Variants in RRBP1 observed in about 807,000 individuals in gnomAD.
The protein encoded by RRBP1 is ribosome-binding protein 1.
A neutral mutation model predicts 165.2 loss-of-function variants in RRBP1; 94 were observed. The observed-to-expected ratio is 0.57, with a 90% CI of 0.48 to 0.68. The LOEUF (loss-of-function observed/expected upper bound fraction) is 0.68. Ranked by LOEUF, RRBP1 falls within the 30% of genes least tolerant of loss-of-function variation. The pLI is 0.00. For synonymous variants in RRBP1, 680 were observed against 714.5 expected (o/e 0.95, Z 0.77); for missense variants, 1,676 against 1,763.0 (o/e 0.95, Z 0.88).
intron 3 of RRBP1, among the ~76,000 whole-genome samples, chr20:17,651,855 C>G (rs2036565333): frequency 6.6e-6 from 1 of 152,222 alleles, no homozygotes; most frequent in Admixed American, 6.5e-5. Context: ...CGCTGCAGGG[C>G]CCCCATCTGC....
chr20:17,616,333 G>T (rs889441359), intron 21 of RRBP1, among the ~76,000 whole-genome samples: 1 of 152,140 alleles, frequency 6.6e-6, no homozygotes, highest in Non-Finnish European at 1.5e-5. Context: ...TCTTGGTGAG[G>T]ACTCTTGGTG....
intron 3 of RRBP1, among the ~76,000 whole-genome samples, chr20:17,651,793 A>T (rs1346438815): frequency 1.3e-5 from 2 of 152,394 alleles, no homozygotes; most frequent in East Asian, 3.9e-4. Context: ...GGCAAGGATT[A>T]GGAAGGCAGG....
intron 3 of RRBP1, among the ~76,000 whole-genome samples, chr20:17,644,773 G>A (rs891092674): frequency 1.3e-5 from 2 of 152,100 alleles, no homozygotes; most frequent in African/African-American, 4.8e-5. Flanking sequence ...AGTACACGTG[G>A]AATTTAGAAG....
In RRBP1 at chr20:17,636,737, G is replaced by T; in HGVS notation, c.2185-8C>A. On this transcript the variant is annotated splice_polypyrimidine_tract_variant and splice_region_variant and intron_variant, in intron 5 of 24. Transcript: ENST00000377813. ...CTTTTCTGCTGCCATCTCCTGGGGG[G>T]AAAGTAGCAGAGAGAGGGGCTGGTA... is the stretch of plus-strand genomic sequence containing the variant. The T allele has an allele frequency of 1.2e-6, 2 of 1,612,394 alleles. No homozygotes were observed. Among genetic ancestry groups the T allele is most frequent in the Non-Finnish European group, 1.7e-6 (2 of 1,180,012 alleles).
At chr20:17,625,285 C>A (rs1300983726) in intron 12 of RRBP1, among the ~76,000 whole-genome samples, 1 of 152,280 alleles carries the variant, frequency 6.6e-6, no homozygotes, top group Non-Finnish European at 1.5e-5. Flanking sequence ...CACGCTTGAG[C>A]GAGTGGCGCA....
chr20:17,633,702 T>A, intron 7 of RRBP1, 89 bp from the exon 8 acceptor site: 1 of 1,375,326 alleles, frequency 7.3e-7, no homozygotes, highest in Non-Finnish European at 1.0e-6. Context: ...CCAGCTCTCT[T>A]GTAAGTAAGC....
At chr20:17,674,131 C>G (rs1281390526) in intron 2 of RRBP1, among the ~76,000 whole-genome samples, 1 of 152,178 alleles carries the variant, frequency 6.6e-6, no homozygotes, top group African/African-American at 2.4e-5. Flanking sequence ...AACACACCAC[C>G]TGGGTTTGAA....
At chr20:17,649,823 G>A (rs959262795) in intron 3 of RRBP1, among the ~76,000 whole-genome samples, 6 of 152,174 alleles carry the variant, frequency 3.9e-5, no homozygotes, top group East Asian at 1.9e-4. Flanking sequence ...GACTGCACAC[G>A]ACACAGAGCT....
chr20:17,619,471 C>G lies in RRBP1; in HGVS notation c.3675+162G>C. 3 of 522,982 alleles carry G rather than the reference C, an allele frequency of 5.7e-6. No individual in the cohort carries two copies. In the South Asian group the frequency reaches 8.7e-5, roughly 15 times the overall value. The allele number at this position is 522,982 out of a possible 1,614,324, so 32.4% of individuals were successfully genotyped here. ...GCCCTGAGAGACACCTCAGGCCTGACAGCCCAACGAGGGGCCTGTGAGGCT... is the reference window on the plus strand; with the variant it reads ...GCCCTGAGAGACACCTCAGGCCTGAGAGCCCAACGAGGGGCCTGTGAGGCT... On this transcript the variant is annotated intron_variant, in intron 19 of 24. Coordinates refer to ENST00000377813, the MANE Select transcript of RRBP1 (RefSeq NM_001365613.2).
At chr20:17,618,519 G>C (rs112473259) in intron 20 of RRBP1, 77 bp downstream of exon 20, 12 of 1,119,824 alleles carry the variant, frequency 1.1e-5, no homozygotes, top group Non-Finnish European at 1.5e-5. Flanking sequence ...GGACACAAAC[G>C]CATGACTGGC....
chr20:17,627,704 G>A (rs1369754461), intron 9 of RRBP1, 22 bp from the exon 10 acceptor site: 12 of 1,511,388 alleles, frequency 7.9e-6, no homozygotes, highest in African/African-American at 4.9e-5. Context: ...GAAGGGAAAC[G>A]AGAAGTTAAG....
intron 3 of RRBP1, among the ~76,000 whole-genome samples, chr20:17,647,317 G>A (rs1163942351): frequency 1.3e-5 from 2 of 152,264 alleles, no homozygotes; most frequent in East Asian, 1.9e-4. Flanking sequence ...CAGCAATGCC[G>A]AGAAAGGCTT....
At position 17,615,444 on chromosome 20, in the gene RRBP1, G is replaced by A. The variant is rs2122233461; in HGVS notation, c.4037C>T (p.Ala1346Val). The A allele has an allele frequency of 6.2e-7, 1 of 1,609,508 alleles. No individual in the cohort carries two copies. The highest frequency in any genetic ancestry group is 2.3e-5 in the East Asian group (1 of 44,396). ...GPLESSETEE[A>V]SQLKERLEKE... Reference sequence around the variant, plus strand: ...GCCCCTGCCTGCCTTCAGCTGTGAGGCCTCCTCTGTTTCTGAAGACTCTAG... The same window carrying A: ...GCCCCTGCCTGCCTTCAGCTGTGAGACCTCCTCTGTTTCTGAAGACTCTAG... The change falls in exon 23 of 25, where the codon GCC becomes GTC. Residue 1346 changes from alanine (A) to valine (V), a missense_variant. Ala to Val is a moderately conservative substitution (Grantham distance 64). Transcript: ENST00000377813.
Position 17,624,559 on chromosome 20 carries a change from T to G in RRBP1, c.3147+17A>C, listed in dbSNP as rs1233899143. ...GCACTTTCCATGGTGGGGGTGTGAG[T>G]GTGGTCGGGCTCTGACCTTGGCCTG... On this transcript the variant is annotated intron_variant, in intron 13 of 24. Coordinates refer to ENST00000377813, the MANE Select transcript of RRBP1 (RefSeq NM_001365613.2). The G allele has an allele frequency of 8.4e-6, 13 of 1,555,338 alleles. No individual in the cohort carries two copies. Among genetic ancestry groups the G allele is most frequent in the Non-Finnish European group, 1.1e-5 (13 of 1,139,660 alleles).
intron 5 of RRBP1, among the ~76,000 whole-genome samples, chr20:17,640,790 C>T (rs2036340278): frequency 6.6e-6 from 1 of 152,212 alleles, no homozygotes; most frequent in South Asian, 2.1e-4. Flanking sequence ...ACCCAGTGAA[C>T]TTCCCATCTG....
At chr20:17,620,218 A>G in intron 18 of RRBP1, 81 bp downstream of exon 18, 2 of 994,868 alleles carry the variant, frequency 2.0e-6, no homozygotes, top group Non-Finnish European at 3.2e-6. Flanking sequence ...GGAAGAAATC[A>G]GTGAAGTGTC....
chr20:17,643,590 G>A lies in RRBP1; in HGVS notation c.1913-463C>T, dbSNP rs1009992829. Reference sequence around the variant, plus strand: ...GACCTGACTGGGCAGCGAATTTACCGTCCACCACACACAGACACCCAGAGC... The same window carrying A: ...GACCTGACTGGGCAGCGAATTTACCATCCACCACACACAGACACCCAGAGC... On this transcript the variant is annotated intron_variant, in intron 3 of 24. Transcript: ENST00000377813. This position sits in a 1 kb window ranked among gnomAD's most constrained non-coding sequence, Gnocchi z 4.3. Among the ~76,000 whole-genome samples the A allele has an allele frequency of 8.5e-5, 13 of 152,108 alleles. No homozygotes were observed. Among genetic ancestry groups the A allele is most frequent in the African/African-American group, 2.4e-4 (10 of 41,486 alleles).
chr20:17,635,018 A>G (rs558616982), intron 7 of RRBP1, among the ~76,000 whole-genome samples: 1 of 152,338 alleles, frequency 6.6e-6, no homozygotes, highest in South Asian at 2.1e-4. Flanking sequence ...GAGCTCTGCC[A>G]AGTCCCTGCA....
chr20:17,629,691 A>G, intron 9 of RRBP1, 132 bp downstream of exon 9: 1 of 923,050 alleles, frequency 1.1e-6, no homozygotes, highest in Non-Finnish European at 1.6e-6. Flanking sequence ...TCTGAGGGGC[A>G]GTCAAGGGAT....
Sources: allele counts gnomAD v4.1 joint callset (sites outside exome capture counted in the v4.1 genomes callset), GRCh38; gene constraint gnomAD v4.1.1; non-coding constraint Gnocchi (gnomAD v3.1); transcripts MANE v1.5; gene names NCBI Gene and HGNC (gene_info 2026-07-23, HGNC 2026-07-21).